USP34: variants seen among roughly 807,000 people sequenced by gnomAD.
USP34 encodes ubiquitin carboxyl-terminal hydrolase 34.
Under a neutral mutation model 460.3 loss-of-function variants are expected in USP34, and 70 were observed. The ratio of observed to expected loss-of-function variants is 0.15; its 90% CI spans 0.13 to 0.19. The LOEUF (loss-of-function observed/expected upper bound fraction) is 0.19, where lower values mean the gene tolerates loss of function less well. USP34 is among the 10% of genes least tolerant of loss of function. The pLI, the probability that USP34 is intolerant of heterozygous loss-of-function variation, is 1.00. For synonymous variants in USP34, 1,647 were observed against 1,405.3 expected, an observed-to-expected ratio of 1.17 and a Z score of -3.85; for missense variants, 3,985 against 4,236.2, an observed-to-expected ratio of 0.94 and a Z score of 1.65.
intron 27 of USP34, among the ~76,000 whole-genome samples, chr2:61,306,988 T>A (rs536068623): frequency 1.3e-5 from 2 of 152,250 alleles, no homozygotes; most frequent in South Asian, 2.1e-4. Flanking sequence ...GGATTATAAA[T>A]CATGCTGCTA....
rs549760534 is a variant in USP34, at chr2:61,351,869, A to G, written c.1252-1176T>C. ...AAAACAATGGCAGTACTTCAATACT[A>G]CAAACAGTATTTGATTTTAAGGACA... On this transcript the variant is annotated intron_variant, in intron 10 of 79. Transcript: ENST00000398571. Among the ~76,000 whole-genome samples the G allele has an allele frequency of 2.0e-5, 3 of 152,348 alleles. No individual in the cohort carries two copies. The South Asian group carries it at 6.2e-4, about 32-fold the overall frequency.
intron 1 of USP34, among the ~76,000 whole-genome samples, chr2:61,436,032 A>C (rs1367841683): frequency 3.9e-5 from 6 of 152,072 alleles, no homozygotes; most frequent in Non-Finnish European, 7.4e-5. Context: ...CATCTCAAAA[A>C]ATATATATAA....
chr2:61,222,821 G>T (rs916810856), intron 64 of USP34, 158 bp from the exon 65 acceptor site: 1 of 725,862 alleles, frequency 1.4e-6, no homozygotes, highest in Non-Finnish European at 2.3e-6. Flanking sequence ...CTCAGCCTCC[G>T]AGTGGCTGGG....
chr2:61,397,452 A>G (rs952313740), intron 3 of USP34, among the ~76,000 whole-genome samples: 5 of 150,660 alleles, frequency 3.3e-5, no homozygotes, highest in Non-Finnish European at 7.4e-5. Flanking sequence ...AAAAAAAAAA[A>G]AAAAAAAATT....
chr2:61,234,867 C>T (rs1416322902), intron 57 of USP34, among the ~76,000 whole-genome samples: 1 of 152,038 alleles, frequency 6.6e-6, no homozygotes, highest in Non-Finnish European at 1.5e-5. Flanking sequence ...AACTCCTGAC[C>T]GCAAGTGATC....
Position 61,248,697 on chromosome 2 carries a change from A to C in USP34, c.6222-14T>G. The C allele has an allele frequency of 6.5e-7, 1 of 1,537,404 alleles. No homozygotes were observed. Among genetic ancestry groups the C allele is most frequent in the Non-Finnish European group, 8.8e-7 (1 of 1,138,800 alleles). On this transcript the variant is annotated splice_polypyrimidine_tract_variant and intron_variant, in intron 48 of 79. Transcript: ENST00000398571. ...TTAAAACATGCCCTGAGAGACAAGA[A>C]AAAAATTAATAAAGATTATTTTTTA...
At chr2:61,225,393 T>C (rs1687698566) in intron 62 of USP34, among the ~76,000 whole-genome samples, 1 of 152,058 alleles carries the variant, frequency 6.6e-6, no homozygotes, top group Non-Finnish European at 1.5e-5. Context: ...TTCATATACA[T>C]CCCACTAGAA....
At chr2:61,270,510 A>G (rs1332878061) in intron 41 of USP34, among the ~76,000 whole-genome samples, 1 of 152,158 alleles carries the variant, frequency 6.6e-6, no homozygotes, top group East Asian at 1.9e-4. Context: ...ATCTCGGCTC[A>G]CTGCAGCCTC....
intron 48 of USP34, among the ~76,000 whole-genome samples, chr2:61,254,730 C>T (rs539849626): frequency 7.9e-5 from 12 of 152,118 alleles, no homozygotes; most frequent in South Asian, 4.1e-4. Flanking sequence ...CTGAGGTGGG[C>T]GGATTGTTTG....
At position 61,248,690 on chromosome 2, in the gene USP34, G is replaced by A; in HGVS notation, c.6222-7C>T. 1 of 1,539,014 alleles carries A rather than the reference G, an allele frequency of 6.5e-7. No homozygotes were observed. The highest frequency in any genetic ancestry group is 8.8e-7 in the Non-Finnish European group (1 of 1,139,332). On this transcript the variant is annotated splice_region_variant and splice_polypyrimidine_tract_variant and intron_variant, in intron 48 of 79. Coordinates refer to ENST00000398571, the MANE Select transcript of USP34 (RefSeq NM_014709.4). ...CAATTTCTTAAAACATGCCCTGAGA[G>A]ACAAGAAAAAAATTAATAAAGATTA...
chr2:61,209,080 C>CT, intron 69 of USP34, 103 bp from the exon 70 acceptor site: 1 of 577,118 alleles, frequency 1.7e-6, no homozygotes. Context: ...AAGCTCTCTG[C>CT]TTTCCTACCT....
At chr2:61,227,309 G>C in intron 61 of USP34, 91 bp from the exon 62 acceptor site, 1 of 1,404,736 alleles carries the variant, frequency 7.1e-7, no homozygotes, top group Non-Finnish European at 9.6e-7. Flanking sequence ...AGTGTAGATG[G>C]TGGCAGGAGC....
intron 1 of USP34, among the ~76,000 whole-genome samples, chr2:61,449,402 A>C (rs1313360395): frequency 6.6e-6 from 1 of 152,156 alleles, no homozygotes; most frequent in Non-Finnish European, 1.5e-5. Context: ...ACACAGATTC[A>C]CTACAATCTC....
intron 2 of USP34, among the ~76,000 whole-genome samples, chr2:61,415,114 A>T (rs1299127986): frequency 6.6e-6 from 1 of 152,106 alleles, no homozygotes; most frequent in African/African-American, 2.4e-5. Flanking sequence ...TAATTCTAGG[A>T]AGTCAGCGTG....
Position 61,202,425 on chromosome 2 carries a change from G to C in USP34, c.9508+715C>G, listed in dbSNP as rs145678208. Among the ~76,000 whole-genome samples, 316 of 152,192 alleles carry C rather than the reference G, an allele frequency of 2.1e-3. 2 individuals carry two copies. Among genetic ancestry groups the C allele is most frequent in the African/African-American group, 7.3e-3 (303 of 41,516 alleles). On this transcript the variant is annotated intron_variant, in intron 75 of 79. Transcript: ENST00000398571. ...GGAGGACACAGACGCCTAGAACTCTGGAAGTCCTGAGATAGAGGACCTCTG... is the reference window on the plus strand; with the variant it reads ...GGAGGACACAGACGCCTAGAACTCTCGAAGTCCTGAGATAGAGGACCTCTG...
intron 1 of USP34, among the ~76,000 whole-genome samples, chr2:61,444,375 G>A (rs1435407213): frequency 2.6e-5 from 4 of 151,972 alleles, no homozygotes; most frequent in Non-Finnish European, 5.9e-5. Flanking sequence ...AAAGGAAGAT[G>A]GGTCAAAGAA....
At chr2:61,231,540 A>G (rs1224223448) in intron 58 of USP34, among the ~76,000 whole-genome samples, 2 of 151,678 alleles carry the variant, frequency 1.3e-5, no homozygotes, top group South Asian at 4.2e-4. Context: ...GGGGAGAGAC[A>G]CTCTCTCTAC....
intron 75 of USP34, among the ~76,000 whole-genome samples, chr2:61,199,682 T>A (rs1686912304): frequency 6.6e-6 from 1 of 152,222 alleles, no homozygotes; most frequent in South Asian, 2.1e-4. Flanking sequence ...TCCCACCAAT[T>A]TGGGATGTCA....
intron 48 of USP34, among the ~76,000 whole-genome samples, chr2:61,254,124 T>C (rs1471880684): frequency 6.6e-6 from 1 of 152,234 alleles, no homozygotes; most frequent in Non-Finnish European, 1.5e-5. Flanking sequence ...ACAAAACACA[T>C]CACTAAACTA....
Sources: allele counts gnomAD v4.1 joint callset (sites outside exome capture counted in the v4.1 genomes callset), GRCh38; gene constraint gnomAD v4.1.1; transcripts MANE v1.5; gene names NCBI Gene and HGNC (gene_info 2026-07-23, HGNC 2026-07-21).